GLB1: variants seen among roughly 807,000 people sequenced by gnomAD.
GLB1 encodes the protein beta-galactosidase.
Under a neutral mutation model 74.0 loss-of-function variants are expected in GLB1, and 56 were observed. The observed-to-expected ratio is 0.76, with a 90% confidence interval of 0.61 to 0.94. The LOEUF is 0.94. Among genes scored for constraint, GLB1 ranks in the 40% least tolerant of loss-of-function variants. GLB1 has a pLI of 0.00. For missense variants in GLB1, 787 were observed against 845.5 expected (o/e 0.93, Z 0.86); for synonymous variants, 323 against 323.6 (o/e 1.00, Z 0.02).
At position 33,093,826 on chromosome 3, in the gene GLB1, C is replaced by T; in HGVS notation, c.75+3185G>A. 1 of 1,613,520 alleles carries T rather than the reference C, an allele frequency of 6.2e-7. No individual in the cohort carries two copies. Among genetic ancestry groups the T allele is most frequent in the Non-Finnish European group, 8.5e-7 (1 of 1,179,718 alleles). On this transcript the variant is annotated intron_variant, in intron 1 of 15. Coordinates refer to ENST00000307363, the MANE Select transcript of GLB1 (RefSeq NM_000404.4). The surrounding 1 kb of genome is among the most constrained non-coding windows in gnomAD (Gnocchi z 6.0). ...AGGAAGAAGAGCATGATGATGTAAG[C>T]ACCCAGGCAGGAGTAGGCCGCCAAG...
At chr3:33,058,037 C>G in intron 6 of GLB1, 52 bp downstream of exon 6, 1 of 1,609,414 alleles carries the variant, frequency 6.2e-7, no homozygotes, top group African/African-American at 1.3e-5. Context: ...GAGCAACTGA[C>G]TGAGTAAAAA....
the GLB1 span, among the ~76,000 whole-genome samples, chr3:32,969,151 G>A: frequency 6.6e-6 from 1 of 152,320 alleles, no homozygotes; most frequent in Non-Finnish European, 1.5e-5. Context: ...ACTAAAGGGA[G>A]TCCGTCGTGC....
chr3:33,075,537 C>A (rs1316891775), intron 1 of GLB1, among the ~76,000 whole-genome samples: 1 of 152,186 alleles, frequency 6.6e-6, no homozygotes, highest in Admixed American at 6.5e-5. Context: ...AAGAACCACA[C>A]AGATGTGGCC....
chr3:32,978,392 A>C, the GLB1 span, among the ~76,000 whole-genome samples: 3 of 152,210 alleles, frequency 2.0e-5, no homozygotes, highest in Admixed American at 6.5e-5. Context: ...AAAAAACAAA[A>C]AAAAAAACAA....
chr3:32,970,362 G>T, the GLB1 span, among the ~76,000 whole-genome samples: 2 of 152,072 alleles, frequency 1.3e-5, no homozygotes, highest in Admixed American at 1.3e-4. Flanking sequence ...TGCCCTATGA[G>T]ATTTTGTTCA....
At position 33,093,820 on chromosome 3, in the gene GLB1, T is replaced by C; in HGVS notation, c.75+3191A>G. ...ATGAAGAGGAAGAAGAGCATGATGA[T>C]GTAAGCACCCAGGCAGGAGTAGGCC... On this transcript the variant is annotated intron_variant, in intron 1 of 15. Transcript: ENST00000307363. This position sits in a 1 kb window ranked among gnomAD's most constrained non-coding sequence, Gnocchi z 6.0. The C allele has an allele frequency of 6.2e-7, 1 of 1,613,512 alleles. No individual in the cohort carries two copies. The highest frequency in any genetic ancestry group is 8.5e-7 in the Non-Finnish European group (1 of 1,179,754).
downstream of GLB1, among the ~76,000 whole-genome samples, chr3:32,992,009 A>G (rs907754947): frequency 6.6e-6 from 1 of 152,262 alleles, no homozygotes; most frequent in Non-Finnish European, 1.5e-5. Flanking sequence ...TGGGCAAGGA[A>G]TTCAATATGT....
chr3:33,052,506 C>T (rs1699037253), intron 7 of GLB1, among the ~76,000 whole-genome samples: 2 of 152,096 alleles, frequency 1.3e-5, no homozygotes, highest in Admixed American at 1.3e-4. Flanking sequence ...GTGGTGCGCC[C>T]CTGTAGTCCC....
In GLB1 at chr3:33,010,056, C is replaced by T. The variant is rs1350853186; in HGVS notation, c.1734+4000G>A. ...AGTTATTATAATACTGCTATAAACA[C>T]TTGCATGTAAGTTTTTATGTGAACA... On this transcript the variant is annotated intron_variant, in intron 15 of 15. Coordinates refer to ENST00000307363, the MANE Select transcript of GLB1 (RefSeq NM_000404.4). 1.3e-5 allele frequency among the ~76,000 whole-genome samples: 2 copies of T among 152,182 alleles called. 1 individual carries two copies.
chr3:32,987,050 T>C, the GLB1 span, among the ~76,000 whole-genome samples: 1 of 152,178 alleles, frequency 6.6e-6, no homozygotes, highest in African/African-American at 2.4e-5. Context: ...ACCATGAGCG[T>C]TGGCTGCTAA....
chr3:33,040,045 A>T (rs1269774956), intron 10 of GLB1, among the ~76,000 whole-genome samples: 1 of 152,216 alleles, frequency 6.6e-6, no homozygotes, highest in African/African-American at 2.4e-5. Context: ...CTTAGACATA[A>T]CATCTATCTA....
chr3:33,049,905 TC>T (rs1281019193), intron 9 of GLB1, among the ~76,000 whole-genome samples: 1 of 152,124 alleles, frequency 6.6e-6, no homozygotes, highest in Non-Finnish European at 1.5e-5. Context: ...CGATGTCTTC[TC>T]CTAGCCCATC....
At chr3:33,007,122 A>G (rs1362742584) in intron 15 of GLB1, among the ~76,000 whole-genome samples, 1 of 152,160 alleles carries the variant, frequency 6.6e-6, no homozygotes, top group Non-Finnish European at 1.5e-5. Context: ...CAGAAACCAC[A>G]TTGGTTCTGT....
At chr3:32,994,920 CA>C (rs56169200), downstream of GLB1, among the ~76,000 whole-genome samples, 277 of 115,708 alleles carry the variant, frequency 2.4e-3, no homozygotes, top group African/African-American at 5.3e-3. Context: ...GACTCTGTTT[CA>C]AAAAAAAAAA....
chr3:32,961,955 G>A, the GLB1 span, among the ~76,000 whole-genome samples: 2 of 152,172 alleles, frequency 1.3e-5, no homozygotes, highest in Non-Finnish European at 2.9e-5. Flanking sequence ...CGGTACTTTG[G>A]GAGGCCAAGG....
At chr3:32,973,347 T>C in the GLB1 span, among the ~76,000 whole-genome samples, 1 of 152,122 alleles carries the variant, frequency 6.6e-6, no homozygotes, top group Non-Finnish European at 1.5e-5. Context: ...TTGCATTTTT[T>C]TTTTGAGAAG....
intron 1 of GLB1, among the ~76,000 whole-genome samples, chr3:33,074,379 AG>A (rs1344193773): frequency 8.4e-5 from 11 of 131,328 alleles, no homozygotes; most frequent in African/African-American, 2.7e-4. Flanking sequence ...GAAGGAAGGA[AG>A]GAAGGAAGGA....
At chr3:33,085,909 CAA>C (rs56129722) in intron 1 of GLB1, among the ~76,000 whole-genome samples, 92 of 117,586 alleles carry the variant, frequency 7.8e-4, no homozygotes, top group African/African-American at 1.8e-3. Context: ...CTGTCTCTAC[CAA>C]AAAAAAAAAA....
chr3:33,064,998 T>C (rs1171579699), intron 5 of GLB1, among the ~76,000 whole-genome samples: 1 of 152,178 alleles, frequency 6.6e-6, no homozygotes, highest in Admixed American at 6.5e-5. Context: ...CAATTGACCA[T>C]ATCCTTTTCC....
Sources: gnomAD v4.1 joint callset for allele counts (sites outside exome capture counted in the v4.1 genomes callset) on GRCh38, gnomAD v4.1.1 for gene constraint, Gnocchi (gnomAD v3.1) non-coding constraint, MANE v1.5 for transcripts, NCBI Gene and HGNC (gene_info 2026-07-23, HGNC 2026-07-21) for gene names.